The following ANKS1B variants were observed in gnomAD, a reference collection of about 807,000 sequenced individuals.
The protein encoded by ANKS1B is ankyrin repeat and sterile alpha motif domain-containing protein 1B.
In ANKS1B, 36 loss-of-function variants were observed where a neutral mutation model predicts 148.3. The observed-to-expected ratio is 0.24, with a 90% CI of 0.19 to 0.32. The LOEUF is 0.32. ANKS1B is among the 10% of genes least tolerant of loss of function. The pLI is 1.00. For missense variants in ANKS1B, 1,157 were observed against 1,542.6 expected (o/e 0.75, Z 4.19); for synonymous variants, 542 against 560.8 (o/e 0.97, Z 0.47).
chr12:99,284,693 C>T (rs1017166674), intron 12 of ANKS1B, among the ~76,000 whole-genome samples: 6 of 151,978 alleles, frequency 3.9e-5, no homozygotes, highest in South Asian at 2.1e-4. Flanking sequence ...TGGAATAATC[C>T]GACTAAAATG....
chr12:99,199,116 G>A (rs2081746364), intron 14 of ANKS1B, among the ~76,000 whole-genome samples: 2 of 152,114 alleles, frequency 1.3e-5, no homozygotes, highest in African/African-American at 4.8e-5. Context: ...ACTTTCAGAT[G>A]ACTGCATCCC....
intron 17 of ANKS1B, among the ~76,000 whole-genome samples, chr12:98,971,659 G>A (rs1161446636): frequency 6.6e-6 from 1 of 152,152 alleles, no homozygotes; most frequent in Non-Finnish European, 1.5e-5. Flanking sequence ...GTAGACAGAG[G>A]TGGCAGATCA....
At chr12:98,855,905 G>A (rs1413661497) in intron 17 of ANKS1B, among the ~76,000 whole-genome samples, 1 of 152,124 alleles carries the variant, frequency 6.6e-6, no homozygotes, top group Admixed American at 6.5e-5. Flanking sequence ...ACTACGGAGA[G>A]TGTCAACTGT....
chr12:98,742,114 T>C (rs2097802961), downstream of ANKS1B, among the ~76,000 whole-genome samples: 1 of 152,272 alleles, frequency 6.6e-6, no homozygotes, highest in South Asian at 2.1e-4. Flanking sequence ...GCTTGGAACA[T>C]GCATATTAGC....
chr12:99,346,968 A>C (rs1039539615), intron 12 of ANKS1B, among the ~76,000 whole-genome samples: 2 of 151,910 alleles, frequency 1.3e-5, no homozygotes, highest in Non-Finnish European at 1.5e-5. Flanking sequence ...CATCCCCACC[A>C]TTGCTGGCTT....
intron 1 of ANKS1B, among the ~76,000 whole-genome samples, chr12:99,981,913 T>A (rs1433810634): frequency 6.6e-6 from 1 of 152,140 alleles, no homozygotes; most frequent in Non-Finnish European, 1.5e-5. Context: ...GGGGACACAT[T>A]TTCCATTATC....
At chr12:99,760,822 A>G (rs182611514) in intron 8 of ANKS1B, among the ~76,000 whole-genome samples, 93 of 151,720 alleles carry the variant, frequency 6.1e-4, no homozygotes, top group African/African-American at 2.1e-3. Flanking sequence ...AAGAAGAGAC[A>G]ATATCCAAAT....
At chr12:99,926,397 C>T (rs749895640) in intron 1 of ANKS1B, among the ~76,000 whole-genome samples, 1 of 152,184 alleles carries the variant, frequency 6.6e-6, no homozygotes, top group Non-Finnish European at 1.5e-5. Flanking sequence ...AAGCCTCATC[C>T]AATTAGTTGA....
At chr12:99,477,485 C>A (rs1433949987) in intron 10 of ANKS1B, among the ~76,000 whole-genome samples, 1 of 152,150 alleles carries the variant, frequency 6.6e-6, no homozygotes, top group Non-Finnish European at 1.5e-5. Context: ...TAGAGCCAGA[C>A]TGTCTGGGTT....
At chr12:99,877,181 G>A (rs1046010145) in intron 1 of ANKS1B, among the ~76,000 whole-genome samples, 1 of 151,574 alleles carries the variant, frequency 6.6e-6, no homozygotes, top group African/African-American at 2.4e-5. Flanking sequence ...AATATTGCTT[G>A]CTGATTAAGG....
At chr12:99,534,113 A>C (rs2097034240) in intron 9 of ANKS1B, among the ~76,000 whole-genome samples, 1 of 152,332 alleles carries the variant, frequency 6.6e-6, no homozygotes, top group Middle Eastern at 3.4e-3. Context: ...AAAAATCTGG[A>C]ACAACAAAAA....
intron 17 of ANKS1B, among the ~76,000 whole-genome samples, chr12:98,956,705 G>T (rs182079553): frequency 2.0e-5 from 3 of 152,290 alleles, no homozygotes; most frequent in Admixed American, 6.5e-5. Flanking sequence ...GAAAAAGCCT[G>T]AAATAAACCT....
intron 14 of ANKS1B, among the ~76,000 whole-genome samples, chr12:99,216,615 T>C (rs2084241461): frequency 6.6e-6 from 1 of 152,196 alleles, no homozygotes; most frequent in Non-Finnish European, 1.5e-5. Flanking sequence ...AAACCAACAG[T>C]ACAGGAAGTT....
At chr12:98,759,436 G>A (rs2098345536) in intron 25 of ANKS1B, among the ~76,000 whole-genome samples, 1 of 152,148 alleles carries the variant, frequency 6.6e-6, no homozygotes. Context: ...GAGAGACAAA[G>A]AGATCTTCCT....
chr12:98,921,569 C>A (rs1283021681), intron 17 of ANKS1B, among the ~76,000 whole-genome samples: 2 of 152,142 alleles, frequency 1.3e-5, no homozygotes, highest in East Asian at 3.8e-4. Context: ...AAATATGTGA[C>A]CCTTTAGAAC....
chr12:99,381,057 CA>C (rs1332731222), intron 12 of ANKS1B, among the ~76,000 whole-genome samples: 3 of 152,024 alleles, frequency 2.0e-5, no homozygotes, highest in Admixed American at 2.0e-4. Context: ...TATGCTGCCA[CA>C]AGAGGAGGAA....
chr12:99,479,891 A>G (rs528094243), intron 10 of ANKS1B, among the ~76,000 whole-genome samples: 2 of 152,028 alleles, frequency 1.3e-5, no homozygotes, highest in South Asian at 4.1e-4. Context: ...TAAATTTTAA[A>G]TGTTCTCACT....
At chr12:99,569,742 G>A (rs953220581) in intron 9 of ANKS1B, among the ~76,000 whole-genome samples, 7 of 152,142 alleles carry the variant, frequency 4.6e-5, no homozygotes, top group African/African-American at 1.4e-4. Context: ...TCCAGTGACT[G>A]ATCAAAGAGC....
intron 9 of ANKS1B, among the ~76,000 whole-genome samples, chr12:99,589,103 A>T (rs567041156): frequency 6.8e-4 from 104 of 152,346 alleles, no homozygotes; most frequent in Middle Eastern, 3.4e-3. Flanking sequence ...TTAGAGAGTC[A>T]TCTGAGTAGA....
Sources: gnomAD v4.1 joint callset for allele counts (sites outside exome capture counted in the v4.1 genomes callset) on GRCh38, gnomAD v4.1.1 for gene constraint, MANE v1.5 for transcripts, NCBI Gene and HGNC (gene_info 2026-07-23, HGNC 2026-07-21) for gene names.